Variants in PTPRE observed in about 807,000 individuals in gnomAD.
PTPRE encodes the protein protein tyrosine phosphatase receptor type E, also known as receptor-type tyrosine-protein phosphatase epsilon.
In PTPRE, 51 loss-of-function variants were observed where a neutral mutation model predicts 102.0. The ratio of observed to expected loss-of-function variants is 0.50; its 90% CI spans 0.40 to 0.63. The LOEUF is 0.63. Ranked by LOEUF, PTPRE falls within the 30% of genes least tolerant of loss-of-function variation. The probability of loss-of-function intolerance (pLI) is 0.00; values close to 1 mark genes in which losing one functional copy is unlikely to be tolerated. For synonymous variants in PTPRE, 345 were observed against 348.2 expected (o/e 0.99, Z 0.10); for missense variants, 752 against 915.1 (o/e 0.82, Z 2.30).
intron 7 of PTPRE, among the ~76,000 whole-genome samples, chr10:128,059,943 CACACACACACA>C (rs1455866682): frequency 6.7e-6 from 1 of 150,200 alleles, no homozygotes; most frequent in Non-Finnish European, 1.5e-5. Flanking sequence ...TACATGCACA[CACACACACACA>C]ACACACACAC....
intron 2 of PTPRE, among the ~76,000 whole-genome samples, chr10:127,988,721 T>G (rs1312826704): frequency 1.3e-5 from 2 of 152,196 alleles, no homozygotes; most frequent in African/African-American, 4.8e-5. Context: ...GACTCTCTAT[T>G]GGGTACTATG....
intron 20 of PTPRE, among the ~76,000 whole-genome samples, chr10:128,081,863 C>A (rs538089445): frequency 6.6e-6 from 1 of 152,220 alleles, no homozygotes; most frequent in Non-Finnish European, 1.5e-5. Context: ...TCAGGAAGGG[C>A]TAAGCTAGCT....
intron 1 of PTPRE, among the ~76,000 whole-genome samples, chr10:127,960,975 A>C (rs1357509693): frequency 6.6e-6 from 1 of 151,350 alleles, no homozygotes; most frequent in East Asian, 2.0e-4. Context: ...GAGCTGAGAT[A>C]GCACCACTGC....
At position 128,070,951 on chromosome 10, in the gene PTPRE, C is replaced by T. The variant is rs762473715; in HGVS notation, c.1387+50C>T. ...GGCAGGGCTGGGGCGGGGCTGGTGC[C>T]GGAGGCTTTCATCCTGGAGAAGCCA... On this transcript the variant is annotated intron_variant, in intron 15 of 20. Coordinates refer to ENST00000254667, the MANE Select transcript of PTPRE (RefSeq NM_006504.6). The surrounding 1 kb of genome is among the most constrained non-coding windows in gnomAD (Gnocchi z 4.8). 17 of 1,549,852 alleles carry T rather than the reference C, an allele frequency of 1.1e-5. No individual in the cohort carries two copies. In the Admixed American group the frequency reaches 1.7e-4, roughly 15 times the overall value.
chr10:127,981,930 T>TG (rs751885153), intron 1 of PTPRE, among the ~76,000 whole-genome samples: 2 of 152,026 alleles, frequency 1.3e-5, no homozygotes, highest in South Asian at 2.1e-4. Context: ...AAGGCTCTTC[T>TG]GGGGGGAGGA....
chr10:128,070,670 A>G lies in PTPRE; in HGVS notation c.1294-138A>G, dbSNP rs138686938. The G allele has an allele frequency of 6.3e-5, 73 of 1,154,128 alleles. No individual in the cohort carries two copies. In the South Asian group the frequency reaches 1.0e-3, roughly 16 times the overall value. 71.5% of individuals were successfully genotyped at this position (1,154,128 alleles called of 1,614,324 possible). ...ACTAGGCACACATTTGTATTTCCCA[A>G]TGCTAAGGAGGCTTCCTGGGTTGGA... On this transcript the variant is annotated intron_variant, in intron 14 of 20. Transcript: ENST00000254667. This position sits in a 1 kb window ranked among gnomAD's most constrained non-coding sequence, Gnocchi z 4.8.
chr10:128,034,058 C>A (rs1241962900), intron 2 of PTPRE, among the ~76,000 whole-genome samples: 1 of 152,128 alleles, frequency 6.6e-6, no homozygotes, highest in African/African-American at 2.4e-5. Context: ...ACTGCAAATT[C>A]CTGGTAATTA....
chr10:127,912,047 C>T (rs1845902795), intron 1 of PTPRE, among the ~76,000 whole-genome samples: 1 of 152,074 alleles, frequency 6.6e-6, no homozygotes, highest in Admixed American at 6.6e-5. Context: ...CTAGGAGACC[C>T]CTGGTTTGGG....
chr10:128,079,924 G>A (rs999001045), intron 20 of PTPRE, among the ~76,000 whole-genome samples: 6 of 152,174 alleles, frequency 3.9e-5, no homozygotes, highest in South Asian at 2.1e-4. Flanking sequence ...GGGCCTGTCC[G>A]CCAGTTTCAA....
At chr10:128,056,267 C>A (rs1375467526) in intron 7 of PTPRE, 54 bp downstream of exon 7, 1 of 1,471,492 alleles carries the variant, frequency 6.8e-7, no homozygotes, top group Admixed American at 1.7e-5. Context: ...CTAAACTCAG[C>A]TTTGCCTTGC....
At chr10:127,985,724 C>G (rs903910605) in intron 2 of PTPRE, among the ~76,000 whole-genome samples, 2 of 152,270 alleles carry the variant, frequency 1.3e-5, no homozygotes, top group African/African-American at 4.8e-5. Flanking sequence ...TATGCTGGTA[C>G]TATAGTGGGT....
chr10:127,987,066 T>A (rs1383392449), intron 2 of PTPRE, among the ~76,000 whole-genome samples: 1 of 152,212 alleles, frequency 6.6e-6, no homozygotes, highest in Non-Finnish European at 1.5e-5. Context: ...GGATCTGACA[T>A]GACAAACAGA....
At chr10:127,976,678 T>TG (rs1365063165) in intron 1 of PTPRE, among the ~76,000 whole-genome samples, 1 of 152,196 alleles carries the variant, frequency 6.6e-6, no homozygotes, top group African/African-American at 2.4e-5. Context: ...TTTAACGCTG[T>TG]GGGGAAGGCA....
intron 2 of PTPRE, among the ~76,000 whole-genome samples, chr10:127,987,032 A>G (rs1341796885): frequency 6.6e-6 from 1 of 152,194 alleles, no homozygotes; most frequent in Non-Finnish European, 1.5e-5. Context: ...TTAGAAGTTG[A>G]CAGTAAGTTG....
chr10:128,067,403 C>CAT (rs56848463), intron 11 of PTPRE, among the ~76,000 whole-genome samples: 2 of 44,900 alleles, frequency 4.5e-5, no homozygotes, highest in Non-Finnish European at 6.0e-5. Context: ...CACACACATA[C>CAT]ACGCACATGG....
At chr10:128,044,194 G>T (rs1056393257) in intron 3 of PTPRE, among the ~76,000 whole-genome samples, 1 of 152,210 alleles carries the variant, frequency 6.6e-6, no homozygotes, top group Non-Finnish European at 1.5e-5. Flanking sequence ...GAAAATTTTA[G>T]GCCGGAGTGA....
chr10:128,022,358 C>T (rs1220526205), intron 2 of PTPRE, among the ~76,000 whole-genome samples: 2 of 152,256 alleles, frequency 1.3e-5, no homozygotes, highest in African/African-American at 4.8e-5. Context: ...GGGAGCTGTG[C>T]TTCTCACAAC....
chr10:127,947,953 CAT>C (rs965788623), intron 1 of PTPRE, among the ~76,000 whole-genome samples: 4 of 152,164 alleles, frequency 2.6e-5, no homozygotes, highest in Non-Finnish European at 5.9e-5. Flanking sequence ...AATACCTTCT[CAT>C]GTGACAGCAT....
rs150979299 is a variant in PTPRE at position 128,070,348 on chromosome 10, C to T, written c.1191C>T (p.Tyr397=). The change falls in exon 14 of 21, where the codon TAC becomes TAT. Residue 397 remains tyrosine (Y), a synonymous_variant. Coordinates refer to ENST00000254667, the MANE Select transcript of PTPRE (RefSeq NM_006504.6). The surrounding 1 kb of genome is among the most constrained non-coding windows in gnomAD (Gnocchi z 4.8). The stretch of plus-strand genomic sequence containing the variant: ...AAGCCTTACTCGAGTACTACCTCTA[C>T]GGGGACACAGAGCTGGACGTGTCCT... ...IYQALLEYYL[Y]GDTELDVSSL... is the part of the protein sequence containing the mutation. 44 of 1,613,996 alleles carry T rather than the reference C, an allele frequency of 2.7e-5. No individual in the cohort carries two copies. Among genetic ancestry groups the T allele is most frequent in the South Asian group, 7.7e-5 (7 of 91,078 alleles).
Sources: allele counts gnomAD v4.1 joint callset (sites outside exome capture counted in the v4.1 genomes callset), GRCh38; gene constraint gnomAD v4.1.1; non-coding constraint Gnocchi (gnomAD v3.1); transcripts MANE v1.5; gene names NCBI Gene and HGNC (gene_info 2026-07-23, HGNC 2026-07-21).